Variants in SLC2A13 observed in about 807,000 individuals in gnomAD.
SLC2A13 encodes solute carrier family 2 member 13, also known as proton myo-inositol cotransporter.
A neutral mutation model predicts 64.4 loss-of-function variants in SLC2A13; 32 were observed. The ratio of observed to expected loss-of-function variants is 0.50; its 90% CI spans 0.37 to 0.67. The LOEUF (loss-of-function observed/expected upper bound fraction) is 0.67, where lower values mean the gene tolerates loss of function less well. SLC2A13 is among the 30% of genes least tolerant of loss of function. SLC2A13 has a pLI of 0.00. For missense variants in SLC2A13, 743 were observed against 829.2 expected, an observed-to-expected ratio of 0.90 and a Z score of 1.28; for synonymous variants, 338 against 327.1, an observed-to-expected ratio of 1.03 and a Z score of -0.36.
chr12:39,997,968 C>G (rs1947260224), intron 3 of SLC2A13, among the ~76,000 whole-genome samples: 1 of 152,102 alleles, frequency 6.6e-6, no homozygotes, highest in Non-Finnish European at 1.5e-5. Flanking sequence ...GTGGAGATTC[C>G]TTAAAGAACT....
intron 4 of SLC2A13, among the ~76,000 whole-genome samples, chr12:39,910,326 G>T (rs1244387260): frequency 6.6e-6 from 1 of 152,090 alleles, no homozygotes; most frequent in East Asian, 1.9e-4. Flanking sequence ...ACTTACAGAT[G>T]ATAAACTATG....
intron 4 of SLC2A13, among the ~76,000 whole-genome samples, chr12:39,885,640 T>C (rs1401242552): frequency 1.3e-5 from 2 of 152,158 alleles, no homozygotes; most frequent in African/African-American, 4.8e-5. Context: ...CTGGCCTTAG[T>C]ACATAGGAAT....
chr12:40,072,551 T>C (rs990700357), intron 1 of SLC2A13, among the ~76,000 whole-genome samples: 11 of 152,102 alleles, frequency 7.2e-5, no homozygotes, highest in Non-Finnish European at 1.3e-4. Context: ...GTATTTGCAT[T>C]GAGAATTTGG....
chr12:40,037,341 G>C (rs189906246), intron 2 of SLC2A13, among the ~76,000 whole-genome samples: 1 of 152,234 alleles, frequency 6.6e-6, no homozygotes, highest in Admixed American at 6.5e-5. Flanking sequence ...ACCAGGGGCT[G>C]GGTGCAGTGG....
In SLC2A13 at chr12:39,844,894, G is replaced by A. The variant is rs996172453; in HGVS notation, c.1320-14666C>T. ...AAGGATTCTGTCTCCAACAGAATACGCTTTAGAAATACTCATTTTTAGATC... is the reference window on the plus strand; with the variant it reads ...AAGGATTCTGTCTCCAACAGAATACACTTTAGAAATACTCATTTTTAGATC... On this transcript the variant is annotated intron_variant, in intron 6 of 9. Coordinates refer to ENST00000280871, the MANE Select transcript of SLC2A13 (RefSeq NM_052885.4). 2.0e-5 allele frequency among the ~76,000 whole-genome samples: 3 copies of A among 152,060 alleles called. No homozygotes were observed. The East Asian group carries it at 5.8e-4, about 29-fold the overall frequency.
rs1470847193 is a variant in SLC2A13, at chr12:39,755,179, A to C, written c.*4847T>G. 2.0e-5 allele frequency: 3 copies of C among 152,156 alleles called. No homozygotes were observed. The highest frequency in any genetic ancestry group is 6.6e-5 in the Admixed American group (1 of 15,240). The allele number at this position is 152,156 out of a possible 1,614,324, so 9.4% of individuals were successfully genotyped here. ...TACATGTATATCACTAAATCTCCAT[A>C]AAATATACAATACTTTTGATACAGC... On this transcript the variant is annotated 3_prime_UTR_variant, in exon 10 of 10. Coordinates refer to ENST00000280871, the MANE Select transcript of SLC2A13 (RefSeq NM_052885.4).
chr12:40,062,381 A>AG (rs201415919), intron 1 of SLC2A13, among the ~76,000 whole-genome samples: 4 of 43,158 alleles, frequency 9.3e-5, no homozygotes, highest in Admixed American at 3.1e-4. Context: ...TTGTAGCTTC[A>AG]GGGGAAAAAA....
At chr12:39,945,580 G>T (rs573659121) in intron 4 of SLC2A13, among the ~76,000 whole-genome samples, 1 of 151,888 alleles carries the variant, frequency 6.6e-6, no homozygotes, top group South Asian at 2.1e-4. Flanking sequence ...TGTTGGATTG[G>T]ATTAATTCAA....
At chr12:40,094,140 CAT>C (rs1161916580) in intron 1 of SLC2A13, among the ~76,000 whole-genome samples, 1 of 152,148 alleles carries the variant, frequency 6.6e-6, no homozygotes, top group Non-Finnish European at 1.5e-5. Flanking sequence ...ATAAGGGGCA[CAT>C]GAGGTAGTCA....
chr12:39,932,743 T>C (rs1452506332), intron 4 of SLC2A13, among the ~76,000 whole-genome samples: 1 of 151,920 alleles, frequency 6.6e-6, no homozygotes, highest in Non-Finnish European at 1.5e-5. Flanking sequence ...CACAATGAGA[T>C]ACAGAGGAAG....
rs1232718331 is a variant in SLC2A13 at position 40,105,658 on chromosome 12, G to A, written c.151C>T (p.Leu51=). 3 of 1,495,622 alleles carry A rather than the reference G, an allele frequency of 2.0e-6. No individual in the cohort carries two copies. The East Asian group carries it at 8.6e-5, about 43-fold the overall frequency. 92.6% of individuals were successfully genotyped at this position (1,495,622 alleles called of 1,614,324 possible). The change falls in exon 1 of 10, where the codon CTG becomes TTG. Residue 51 remains leucine, a synonymous_variant. Coordinates refer to ENST00000280871, the MANE Select transcript of SLC2A13 (RefSeq NM_052885.4). This position sits in a 1 kb window ranked among gnomAD's most constrained non-coding sequence, Gnocchi z 4.2. The part of the protein sequence containing the change: ...LLAAAESSTS[L]QSAGAGGGGV... ...CCGCCGCCCGCGCCCGCGCTCTGCA[G>A]GCTGGTGCTCGATTCGGCGGCAGCC...
At chr12:40,004,047 C>T (rs982883253) in intron 3 of SLC2A13, among the ~76,000 whole-genome samples, 2 of 151,696 alleles carry the variant, frequency 1.3e-5, no homozygotes, top group South Asian at 2.1e-4. Flanking sequence ...AATAAAAATA[C>T]AAAATACAAA....
At chr12:39,838,151 C>A (rs913224250) in intron 6 of SLC2A13, among the ~76,000 whole-genome samples, 5 of 147,438 alleles carry the variant, frequency 3.4e-5, no homozygotes, top group Non-Finnish European at 7.5e-5. Context: ...CCATGGAATA[C>A]TACGCAGCCA....
chr12:39,900,105 A>G (rs1184396763), intron 4 of SLC2A13, among the ~76,000 whole-genome samples: 2 of 152,182 alleles, frequency 1.3e-5, no homozygotes, highest in Admixed American at 1.3e-4. Context: ...GATTATCTCA[A>G]TAGAGGCAGA....
rs1489780495 is a variant in SLC2A13, at chr12:39,755,557, CTCT to C, written c.*4466_*4468del. On this transcript the variant is annotated 3_prime_UTR_variant, in exon 10 of 10. Coordinates refer to ENST00000280871, the MANE Select transcript of SLC2A13 (RefSeq NM_052885.4). ...AAATTTCTACTTTGGCTAGAGTTGT[CTCT>C]TCTTTTTTAACCTTTAAATGAGATG... is the stretch of plus-strand genomic sequence containing the variant. 2.6e-5 allele frequency: 4 copies of C among 152,018 alleles called. No homozygotes were observed. The highest frequency in any genetic ancestry group is 9.7e-5 in the African/African-American group (4 of 41,408). The allele number at this position is 152,018 out of a possible 1,614,324, so 9.4% of individuals were successfully genotyped here.
intron 2 of SLC2A13, among the ~76,000 whole-genome samples, chr12:40,039,443 A>C (rs1159115050): frequency 6.6e-6 from 1 of 152,142 alleles, no homozygotes; most frequent in Admixed American, 6.5e-5. Flanking sequence ...GCTATTTGCT[A>C]TTTGTGCCAT....
chr12:39,967,833 G>T (rs1946548999), intron 3 of SLC2A13, among the ~76,000 whole-genome samples: 1 of 152,144 alleles, frequency 6.6e-6, no homozygotes, highest in Non-Finnish European at 1.5e-5. Flanking sequence ...AGCAAGGCAA[G>T]CTAAATTATT....
chr12:39,813,704 T>C (rs958443851), intron 7 of SLC2A13, among the ~76,000 whole-genome samples: 1 of 152,126 alleles, frequency 6.6e-6, no homozygotes, highest in African/African-American at 2.4e-5. Flanking sequence ...ATTGGAGTAG[T>C]GGGGGATGAA....
chr12:39,760,114 T>C lies in SLC2A13; in HGVS notation c.1859A>G (p.Asp620Gly). 1.2e-6 allele frequency: 2 copies of C among 1,612,996 alleles called. No individual in the cohort carries two copies. Among genetic ancestry groups the C allele is most frequent in the Non-Finnish European group, 1.7e-6 (2 of 1,179,364 alleles). The change falls in exon 10 of 10, where the codon GAT becomes GGT. Residue 620 changes from aspartate to glycine, a missense_variant. Physicochemically the swap from Asp to Gly is moderately conservative, Grantham distance 94. This residue lies in a region of SLC2A13 where 295 missense variants were observed against 381.7 expected (regional missense o/e 0.77). Transcript: ENST00000280871. ...TTCAATATATCTCCCTTCATCAGAA[T>C]CTGAAGTGCCACATGTACATAGCCT... ...DNRLCTCGTS[D>G]SDEGRYIEYI...
Sources: gnomAD v4.1 joint callset for allele counts (sites outside exome capture counted in the v4.1 genomes callset) on GRCh38, gnomAD v4.1.1 for gene constraint, gnomAD v4.1.1 regional missense constraint, Gnocchi (gnomAD v3.1) non-coding constraint, MANE v1.5 for transcripts, NCBI Gene and HGNC (gene_info 2026-07-23, HGNC 2026-07-21) for gene names.